The following SNTB1 variants were observed in gnomAD, a reference collection of about 807,000 sequenced individuals.
The protein encoded by SNTB1 is beta-1-syntrophin.
SNTB1 carries 36 observed loss-of-function variants against 48.9 expected under a neutral mutation model. That is an observed-to-expected ratio of 0.74 (90% CI 0.56 to 0.97). SNTB1 has a LOEUF of 0.97. Among genes scored for constraint, SNTB1 ranks in the 50% least tolerant of loss-of-function variants. The pLI, the probability that SNTB1 is intolerant of heterozygous loss-of-function variation, is 0.00. For missense variants in SNTB1, 786 were observed against 703.4 expected, an observed-to-expected ratio of 1.12 and a Z score of -1.33; for synonymous variants, 299 against 294.6, an observed-to-expected ratio of 1.01 and a Z score of -0.15.
At position 120,669,688 on chromosome 8, in the gene SNTB1, G is replaced by A. The variant is rs549074720; in HGVS notation, c.788+24004C>T. On this transcript the variant is annotated intron_variant, in intron 2 of 6. Coordinates refer to ENST00000517992, the MANE Select transcript of SNTB1 (RefSeq NM_021021.4). ...AGGATGGTCTCGATCTCCTGACCTCGTGATCCACCCGCCTTGGCCTCCCAA... is the reference window on the plus strand; with the variant it reads ...AGGATGGTCTCGATCTCCTGACCTCATGATCCACCCGCCTTGGCCTCCCAA... Among the ~76,000 whole-genome samples the A allele has an allele frequency of 3.2e-3, 115 of 36,458 alleles. 31 individuals are homozygous for A. Among genetic ancestry groups the A allele is most frequent in the Middle Eastern group, 0.024 (2 of 84 alleles). The allele number at this position is 36,458 out of a possible 152,430, so 23.9% of individuals were successfully genotyped here.
intron 1 of SNTB1, chr8:120,765,877 G>A (rs1242951024): frequency 6.6e-6 from 1 of 152,194 alleles, no homozygotes; most frequent in Non-Finnish European, 1.5e-5. Flanking sequence ...TGGTTGAACT[G>A]AAGGAGAGAA....
rs1815351140 is a variant in SNTB1, at chr8:120,544,853, C to T, written c.1334-2853G>A. 2.8e-5 allele frequency among the ~76,000 whole-genome samples: 4 copies of T among 141,000 alleles called. No individual in the cohort carries two copies. The Admixed American group carries it at 3.0e-4, about 11-fold the overall frequency. The allele number at this position is 141,000 out of a possible 152,430, so 92.5% of individuals were successfully genotyped here. A position where few individuals can be genotyped will look rare whatever the true frequency, so the allele number is the denominator to read the frequency against. On this transcript the variant is annotated intron_variant, in intron 5 of 6. Transcript: ENST00000517992. ...ATCAAAAATAAAAGCTTCCAAGATA[C>T]TCCTACAAGACTTCAACAATGATGG...
At chr8:120,809,063 C>A (rs892800151) in intron 1 of SNTB1, among the ~76,000 whole-genome samples, 3 of 152,156 alleles carry the variant, frequency 2.0e-5, no homozygotes, top group Non-Finnish European at 2.9e-5. Flanking sequence ...TCTTAAAAAG[C>A]CCTTGAGGTG....
At chr8:120,661,518 T>C (rs2129750960) in intron 2 of SNTB1, among the ~76,000 whole-genome samples, 1 of 152,326 alleles carries the variant, frequency 6.6e-6, no homozygotes, top group South Asian at 2.1e-4. Flanking sequence ...CTAGGATACA[T>C]GTGCTGAACA....
At chr8:120,552,328 AATGGGGAAGTCCAGTGTGTTCGAG>A (rs1815494488) in intron 4 of SNTB1, among the ~76,000 whole-genome samples, 1 of 152,186 alleles carries the variant, frequency 6.6e-6, no homozygotes, top group Non-Finnish European at 1.5e-5. Context: ...GGGAGAGCTT[AATGGGGAAGTCCAGTGTGTTCGAG>A]AAGTAATAAT....
intron 1 of SNTB1, among the ~76,000 whole-genome samples, chr8:120,799,008 C>T (rs1192149020): frequency 1.3e-5 from 2 of 152,014 alleles, no homozygotes; most frequent in African/African-American, 4.8e-5. Flanking sequence ...CATAGAGATG[C>T]TGACCAGGGA....
At chr8:120,579,496 G>T (rs1816008657) in intron 3 of SNTB1, among the ~76,000 whole-genome samples, 1 of 152,144 alleles carries the variant, frequency 6.6e-6, no homozygotes. Context: ...GGCCAACATG[G>T]TGGAAACTCT....
chr8:120,751,676 C>T (rs1342634651), intron 1 of SNTB1, among the ~76,000 whole-genome samples: 1 of 152,098 alleles, frequency 6.6e-6, no homozygotes, highest in Non-Finnish European at 1.5e-5. Context: ...TTCCTGACCA[C>T]CAGCTCCATC....
chr8:120,542,988 G>A (rs748988249), intron 5 of SNTB1, among the ~76,000 whole-genome samples: 5 of 152,072 alleles, frequency 3.3e-5, no homozygotes, highest in African/African-American at 9.7e-5. Context: ...CCCTGAGTGC[G>A]GCATCCAGGA....
chr8:120,576,024 G>A (rs1343031329), intron 3 of SNTB1, among the ~76,000 whole-genome samples: 2 of 152,124 alleles, frequency 1.3e-5, no homozygotes, highest in Non-Finnish European at 2.9e-5. Flanking sequence ...TGGGCCCTAG[G>A]ATACATCTTT....
chr8:120,601,279 T>C (rs1816417974), intron 3 of SNTB1, among the ~76,000 whole-genome samples: 1 of 152,128 alleles, frequency 6.6e-6, no homozygotes, highest in Non-Finnish European at 1.5e-5. Flanking sequence ...ACGCATTACA[T>C]ACCTAAGGAT....
chr8:120,608,094 C>A (rs1816554596), intron 3 of SNTB1, among the ~76,000 whole-genome samples: 1 of 152,330 alleles, frequency 6.6e-6, no homozygotes, highest in South Asian at 2.1e-4. Flanking sequence ...ACTGTGGCAG[C>A]ACCTGGCAGA....
chr8:120,611,917 T>C (rs1449930141), intron 3 of SNTB1, among the ~76,000 whole-genome samples: 2 of 151,660 alleles, frequency 1.3e-5, no homozygotes, highest in African/African-American at 2.4e-5. Flanking sequence ...TATTTTTCTG[T>C]GTATAGGTGA....
chr8:120,679,304 C>G (rs992029643), intron 2 of SNTB1, among the ~76,000 whole-genome samples: 2 of 152,162 alleles, frequency 1.3e-5, no homozygotes, highest in Non-Finnish European at 2.9e-5. Context: ...CTGTCCTTAA[C>G]AAGCTTGGAA....
intron 1 of SNTB1, among the ~76,000 whole-genome samples, chr8:120,799,983 C>T (rs961512077): frequency 6.6e-6 from 1 of 152,054 alleles, no homozygotes; most frequent in African/African-American, 2.4e-5. Context: ...ATCACAGCTA[C>T]TGCAGAAAAC....
intron 1 of SNTB1, among the ~76,000 whole-genome samples, chr8:120,751,170 G>A (rs1338077744): frequency 6.6e-6 from 1 of 152,146 alleles, no homozygotes; most frequent in African/African-American, 2.4e-5. Context: ...AAAAAGTGGA[G>A]TGAGGACGCT....
chr8:120,674,844 G>A (rs73708607), intron 2 of SNTB1, among the ~76,000 whole-genome samples: 1 of 152,032 alleles, frequency 6.6e-6, no homozygotes, highest in Non-Finnish European at 1.5e-5. Flanking sequence ...TCAAAAATTA[G>A]CGGCCTTGTC....
chr8:120,541,639 C>A (rs1378211486), intron 6 of SNTB1, among the ~76,000 whole-genome samples, 171 bp downstream of exon 6: 2 of 152,120 alleles, frequency 1.3e-5, no homozygotes, highest in Admixed American at 6.6e-5. Context: ...GACTGAAGAA[C>A]AGAAGTTTGA....
At chr8:120,698,435 G>A (rs7841636) in intron 1 of SNTB1, among the ~76,000 whole-genome samples, 17,166 of 152,056 alleles carry the variant, frequency 0.11, 1,981 homozygotes, top group African/African-American at 0.29. Context: ...TCTATCCTGA[G>A]GGAGAATAAG....
Sources: allele counts gnomAD v4.1 joint callset (sites outside exome capture counted in the v4.1 genomes callset), GRCh38; gene constraint gnomAD v4.1.1; transcripts MANE v1.5; gene names NCBI Gene and HGNC (gene_info 2026-07-23, HGNC 2026-07-21).